Variants in SYNPO2 observed in about 807,000 individuals in gnomAD.
SYNPO2 encodes the protein synaptopodin 2.
SYNPO2 carries 56 observed loss-of-function variants against 85.0 expected under a neutral mutation model. The ratio of observed to expected loss-of-function variants is 0.66; its 90% CI spans 0.53 to 0.82. The LOEUF (loss-of-function observed/expected upper bound fraction) is 0.82. SYNPO2 is among the 40% of genes least tolerant of loss of function. The probability of loss-of-function intolerance (pLI) is 0.00; values close to 1 mark genes in which losing one functional copy is unlikely to be tolerated. For synonymous variants in SYNPO2, 602 were observed against 591.1 expected (o/e 1.02, Z -0.27); for missense variants, 1,575 against 1,534.2 (o/e 1.03, Z -0.44).
chr4:119,028,438 A>G (rs1250639414), intron 3 of SYNPO2, among the ~76,000 whole-genome samples: 1 of 152,156 alleles, frequency 6.6e-6, no homozygotes, highest in Non-Finnish European at 1.5e-5. Context: ...ATCATTCCTT[A>G]TACTTTAAGC....
chr4:118,858,399 CT>C (rs1731546343), intron 1 of SYNPO2, among the ~76,000 whole-genome samples: 1 of 152,198 alleles, frequency 6.6e-6, no homozygotes, highest in South Asian at 2.1e-4. Context: ...CTCACAATTT[CT>C]GATATGGCTA....
In SYNPO2 at chr4:118,939,640, G is replaced by A. The variant is rs1734233791; in HGVS notation, c.105+50499G>A. 2.0e-5 allele frequency among the ~76,000 whole-genome samples: 3 copies of A among 152,322 alleles called. No individual in the cohort carries two copies. The South Asian group carries it at 6.2e-4, about 32-fold the overall frequency. On this transcript the variant is annotated intron_variant, in intron 1 of 4. Coordinates refer to ENST00000307142, the MANE Select transcript of SYNPO2 (RefSeq NM_133477.3). Reference sequence around the variant, plus strand: ...GCTCCTATTATGAGAGAGTGAGCCAGTCCACATAGTGCTCATATTCCAGGT... The same window carrying A: ...GCTCCTATTATGAGAGAGTGAGCCAATCCACATAGTGCTCATATTCCAGGT...
At chr4:119,032,658 C>T in intron 4 of SYNPO2, 2 of 986,266 alleles carry the variant, frequency 2.0e-6, no homozygotes, top group Non-Finnish European at 2.4e-6. Flanking sequence ...AATTACTGAG[C>T]ACTTATTATG....
upstream of SYNPO2, among the ~76,000 whole-genome samples, chr4:118,885,353 T>C (rs770898822): frequency 2.0e-5 from 3 of 152,038 alleles, no homozygotes; most frequent in Non-Finnish European, 4.4e-5. Context: ...AAGCCTGGAA[T>C]AGAGACAACA....
intron 1 of SYNPO2, among the ~76,000 whole-genome samples, chr4:118,929,682 A>T (rs1733856944): frequency 6.6e-6 from 1 of 152,112 alleles, no homozygotes; most frequent in Non-Finnish European, 1.5e-5. Context: ...CAAAATCGAA[A>T]TAACTTTTTC....
At chr4:119,044,399 A>G (rs903705745) in intron 4 of SYNPO2, among the ~76,000 whole-genome samples, 1 of 152,260 alleles carries the variant, frequency 6.6e-6, no homozygotes, top group Non-Finnish European at 1.5e-5. Context: ...ATATCATTAA[A>G]TAAAACTTAT....
At chr4:118,924,199 A>G (rs1733637623) in intron 1 of SYNPO2, among the ~76,000 whole-genome samples, 1 of 152,138 alleles carries the variant, frequency 6.6e-6, no homozygotes, top group Admixed American at 6.6e-5. Flanking sequence ...TCAAAAAGCA[A>G]TCTCTTATGT....
At chr4:118,963,665 T>C (rs1216430727) in intron 1 of SYNPO2, among the ~76,000 whole-genome samples, 1 of 152,242 alleles carries the variant, frequency 6.6e-6, no homozygotes, top group African/African-American at 2.4e-5. Context: ...CTTGTTTATT[T>C]TACCAGTTGA....
intron 1 of SYNPO2, among the ~76,000 whole-genome samples, chr4:118,951,796 G>A (rs137920217): frequency 8.1e-4 from 124 of 152,222 alleles, no homozygotes; most frequent in South Asian, 1.5e-3. Flanking sequence ...TTTGAAAAAC[G>A]TAGGAAATAG....
intron 4 of SYNPO2, chr4:119,032,450 C>A (rs1422847836): frequency 2.8e-6 from 3 of 1,059,588 alleles, no homozygotes; most frequent in South Asian, 6.8e-5. Context: ...GAAGGTATAA[C>A]CTATATTGAC....
At chr4:118,965,558 C>T (rs1735281455) in intron 1 of SYNPO2, among the ~76,000 whole-genome samples, 1 of 152,104 alleles carries the variant, frequency 6.6e-6, no homozygotes. Flanking sequence ...TTTTATGTTC[C>T]AGGATCTACT....
chr4:119,035,125 T>C (rs536922781), intron 4 of SYNPO2: 1 of 985,466 alleles, frequency 1.0e-6, no homozygotes, highest in South Asian at 4.7e-5. Flanking sequence ...ATGGTTTAAA[T>C]ACAGGCACTG....
chr4:118,944,685 A>G (rs927009017), intron 1 of SYNPO2, among the ~76,000 whole-genome samples: 12 of 152,200 alleles, frequency 7.9e-5, no homozygotes, highest in Non-Finnish European at 1.8e-4. Context: ...TCATGCTTAG[A>G]ATGTTTGTTT....
chr4:118,892,393 C>A (rs1732405406), intron 1 of SYNPO2, among the ~76,000 whole-genome samples: 1 of 152,144 alleles, frequency 6.6e-6, no homozygotes, highest in Admixed American at 6.5e-5. Flanking sequence ...TATAGCATAA[C>A]ACTCTGCAAA....
chr4:118,981,897 A>G (rs779966549), intron 1 of SYNPO2, among the ~76,000 whole-genome samples: 1 of 152,210 alleles, frequency 6.6e-6, no homozygotes, highest in Non-Finnish European at 1.5e-5. Context: ...GCTTCAGCCA[A>G]ACAGGTCTGG....
intron 1 of SYNPO2, among the ~76,000 whole-genome samples, chr4:118,889,517 A>G (rs1412900112): frequency 6.6e-6 from 1 of 152,150 alleles, no homozygotes; most frequent in Non-Finnish European, 1.5e-5. Flanking sequence ...GCAGAGGAGA[A>G]ACGCTCAGTT....
intron 1 of SYNPO2, among the ~76,000 whole-genome samples, chr4:118,967,304 A>T (rs1365901461): frequency 6.6e-6 from 1 of 152,086 alleles, no homozygotes; most frequent in East Asian, 1.9e-4. Context: ...CGTAAATATG[A>T]TTTTCGTCGA....
chr4:118,876,874 T>C (rs1308974483), intron 1 of SYNPO2, among the ~76,000 whole-genome samples: 1 of 151,786 alleles, frequency 6.6e-6, no homozygotes, highest in Non-Finnish European at 1.5e-5. Context: ...CACTGCAACG[T>C]TGACCTCCCA....
At chr4:118,953,887 C>T (rs555946419) in intron 1 of SYNPO2, among the ~76,000 whole-genome samples, 2 of 152,262 alleles carry the variant, frequency 1.3e-5, no homozygotes, top group East Asian at 3.9e-4. Context: ...AAACTGGACC[C>T]TCTGGGCTTG....
Sources: gnomAD v4.1 joint callset for allele counts (sites outside exome capture counted in the v4.1 genomes callset) on GRCh38, gnomAD v4.1.1 for gene constraint, MANE v1.5 for transcripts, NCBI Gene and HGNC (gene_info 2026-07-23, HGNC 2026-07-21) for gene names.